Variants in GLS observed in about 807,000 individuals in gnomAD.
GLS encodes the protein glutaminase kidney isoform, mitochondrial.
Under a neutral mutation model 86.7 loss-of-function variants are expected in GLS, and 36 were observed. The ratio of observed to expected loss-of-function variants is 0.42; its 90% CI spans 0.32 to 0.55. The LOEUF is 0.55. Ranked by LOEUF, GLS falls within the 20% of genes least tolerant of loss-of-function variation. The pLI, the probability that GLS is intolerant of heterozygous loss-of-function variation, is 0.17. For missense variants in GLS, 528 were observed against 833.4 expected, an observed-to-expected ratio of 0.63 and a Z score of 4.51; for synonymous variants, 317 against 305.9, an observed-to-expected ratio of 1.04 and a Z score of -0.38.
At chr2:190,890,014 C>T (rs1688509799) in intron 1 of GLS, among the ~76,000 whole-genome samples, 1 of 152,052 alleles carries the variant, frequency 6.6e-6, no homozygotes, top group African/African-American at 2.4e-5. Flanking sequence ...GTGCTAACCA[C>T]TGAGAGCATG....
At chr2:190,906,360 A>C (rs1488509787) in intron 6 of GLS, among the ~76,000 whole-genome samples, 2 of 152,150 alleles carry the variant, frequency 1.3e-5, no homozygotes, top group African/African-American at 4.8e-5. Context: ...CAAATATAGT[A>C]ATTTGAATGT....
chr2:190,890,761 A>G (rs1003950398), intron 1 of GLS, among the ~76,000 whole-genome samples: 1 of 152,194 alleles, frequency 6.6e-6, no homozygotes, highest in African/African-American at 2.4e-5. Context: ...AGGCATAAAG[A>G]CTAGCAAATC....
In GLS at chr2:190,947,979, A is replaced by T. The variant is rs1420738526; in HGVS notation, c.1651-5586A>T. Among the ~76,000 whole-genome samples the T allele has an allele frequency of 6.6e-6, 1 of 152,218 alleles. No individual in the cohort carries two copies. ...TCCATCTGTTGTCTCAAAAGTGTTA[A>T]ACTAGTTTCATTTTCTTTTGTGGCA... is the stretch of plus-strand genomic sequence containing the variant. On this transcript the variant is annotated intron_variant, in intron 14 of 17. Coordinates refer to ENST00000320717, the MANE Select transcript of GLS (RefSeq NM_014905.5). This position sits in a 1 kb window ranked among gnomAD's most constrained non-coding sequence, Gnocchi z 5.0.
At chr2:190,957,162 C>A (rs545532010) in intron 17 of GLS, among the ~76,000 whole-genome samples, 1 of 152,340 alleles carries the variant, frequency 6.6e-6, no homozygotes, top group South Asian at 2.1e-4. Context: ...AAGACCTCAG[C>A]TCACTGCAAC....
chr2:190,929,297 T>A (rs914881894), intron 12 of GLS, among the ~76,000 whole-genome samples: 2 of 151,902 alleles, frequency 1.3e-5, no homozygotes, highest in African/African-American at 2.4e-5. Context: ...AAAATATTTT[T>A]AAAAAATAAT....
intron 11 of GLS, among the ~76,000 whole-genome samples, chr2:190,925,563 G>T (rs973895130): frequency 6.6e-6 from 1 of 152,176 alleles, no homozygotes; most frequent in African/African-American, 2.4e-5. Flanking sequence ...GGGCTGTAAT[G>T]TGAAGCCACA....
intron 7 of GLS, chr2:190,919,677 G>T: frequency 1.2e-6 from 1 of 860,046 alleles, no homozygotes; most frequent in Non-Finnish European, 1.4e-6. Context: ...CAATGAAGTT[G>T]GTAATTTCTT....
chr2:190,892,504 A>G (rs1688599578), intron 1 of GLS, among the ~76,000 whole-genome samples: 1 of 152,150 alleles, frequency 6.6e-6, no homozygotes, highest in Admixed American at 6.5e-5. Flanking sequence ...TCTCTCAAGG[A>G]TTTCCTAGTT....
chr2:190,903,018 A>G (rs1014790697), intron 5 of GLS, among the ~76,000 whole-genome samples: 1 of 152,174 alleles, frequency 6.6e-6, no homozygotes, highest in Non-Finnish European at 1.5e-5. Flanking sequence ...TTTTCAAGAT[A>G]ATGTTGCAAT....
chr2:190,923,176 A>G (rs1034362380), intron 9 of GLS, among the ~76,000 whole-genome samples: 1 of 152,110 alleles, frequency 6.6e-6, no homozygotes, highest in African/African-American at 2.4e-5. Flanking sequence ...CTGATGTCAG[A>G]GTTATCTTTC....
In GLS at chr2:190,924,951, T is replaced by C. The variant is rs759125978; in HGVS notation, c.1248+358T>C. 2.0e-5 allele frequency among the ~76,000 whole-genome samples: 3 copies of C among 152,198 alleles called. No homozygotes were observed. Among genetic ancestry groups the C allele is most frequent in the Non-Finnish European group, 2.9e-5 (2 of 68,024 alleles). On this transcript the variant is annotated intron_variant, in intron 11 of 17. Coordinates refer to ENST00000320717, the MANE Select transcript of GLS (RefSeq NM_014905.5). The surrounding 1 kb of genome is among the most constrained non-coding windows in gnomAD (Gnocchi z 5.2). The stretch of plus-strand genomic sequence containing the variant: ...TGGATGTGTCACATTATGCAAAATA[T>C]AGATGTCTCAGAAATCTTGGTTCTA...
chr2:190,935,079 T>C lies in GLS; in HGVS notation c.1650+3442T>C. 1.1e-6 allele frequency: 1 copy of C among 947,016 alleles called. No homozygotes were observed. Among genetic ancestry groups the C allele is most frequent in the Non-Finnish European group, 1.3e-6 (1 of 795,322 alleles). The allele number at this position is 947,016 out of a possible 1,614,324, so 58.7% of individuals were successfully genotyped here. On this transcript the variant is annotated intron_variant, in intron 14 of 17. Coordinates refer to ENST00000320717, the MANE Select transcript of GLS (RefSeq NM_014905.5). This position sits in a 1 kb window ranked among gnomAD's most constrained non-coding sequence, Gnocchi z 4.2. ...AGCATATTTGATTTTCTTTTTTCTTTCTTTTTTTGGCATCATTAACATTTC... is the reference window on the plus strand; with the variant it reads ...AGCATATTTGATTTTCTTTTTTCTTCCTTTTTTTGGCATCATTAACATTTC...
intron 17 of GLS, among the ~76,000 whole-genome samples, chr2:190,960,765 A>T (rs1280430818): frequency 6.6e-6 from 1 of 152,188 alleles, no homozygotes; most frequent in African/African-American, 2.4e-5. Flanking sequence ...GTGTCTGACA[A>T]ATGTTAGCAA....
rs1393007849 is a variant in GLS at position 190,947,379 on chromosome 2, A to C, written c.1651-6186A>C. On this transcript the variant is annotated intron_variant, in intron 14 of 17. Transcript: ENST00000320717. The surrounding 1 kb of genome is among the most constrained non-coding windows in gnomAD (Gnocchi z 5.0). ...CCCACTGTTGTCATGACTTTGTACAAATAAACTAAGATAAGATTGTCTGGT... is the reference window on the plus strand; with the variant it reads ...CCCACTGTTGTCATGACTTTGTACACATAAACTAAGATAAGATTGTCTGGT... Among the ~76,000 whole-genome samples, 1 of 152,216 alleles carries C rather than the reference A, an allele frequency of 6.6e-6. No individual in the cohort carries two copies. Among genetic ancestry groups the C allele is most frequent in the East Asian group, 1.9e-4 (1 of 5,198 alleles).
chr2:190,883,527 CAA>C (rs1365345150), intron 1 of GLS, among the ~76,000 whole-genome samples: 6 of 152,132 alleles, frequency 3.9e-5, no homozygotes, highest in African/African-American at 1.2e-4. Context: ...AGGCTTAGAA[CAA>C]TATTTGGCGT....
Position 190,897,895 on chromosome 2 carries a change from T to C in GLS, c.605+2170T>C, listed in dbSNP as rs985328195. Among the ~76,000 whole-genome samples the C allele has an allele frequency of 6.6e-5, 10 of 152,198 alleles. No individual in the cohort carries two copies. Among genetic ancestry groups the C allele is most frequent in the African/African-American group, 2.4e-4 (10 of 41,462 alleles). Reference sequence around the variant, plus strand: ...TTTTTCGGTAATCTGAGAAAACTATTATGTGTGACTTTTTTTAACTTGGGA... The same window carrying C: ...TTTTTCGGTAATCTGAGAAAACTATCATGTGTGACTTTTTTTAACTTGGGA... On this transcript the variant is annotated intron_variant, in intron 3 of 17. Transcript: ENST00000320717. This position sits in a 1 kb window ranked among gnomAD's most constrained non-coding sequence, Gnocchi z 4.3.
At position 190,900,558 on chromosome 2, in the gene GLS, C is replaced by G; in HGVS notation, c.606-6C>G. ...AGTTTATTAATTATCTTTTTACATT[C>G]TACAGATGTGTTCAGAGCAACATTG... On this transcript the variant is annotated splice_region_variant and splice_polypyrimidine_tract_variant and intron_variant, in intron 3 of 17. Coordinates refer to ENST00000320717, the MANE Select transcript of GLS (RefSeq NM_014905.5). 6.4e-7 allele frequency: 1 copy of G among 1,564,790 alleles called. No homozygotes were observed. The highest frequency in any genetic ancestry group is 8.7e-7 in the Non-Finnish European group (1 of 1,143,956).
chr2:190,961,082 T>A (rs942122557), intron 17 of GLS, among the ~76,000 whole-genome samples: 8 of 152,246 alleles, frequency 5.3e-5, no homozygotes, highest in African/African-American at 1.9e-4. Flanking sequence ...TGAAAGTAGA[T>A]GTACCCACCT....
At chr2:190,881,562 C>T (rs1688183942) in intron 1 of GLS, 92 bp downstream of exon 1, 5 of 1,209,948 alleles carry the variant, frequency 4.1e-6, no homozygotes, top group East Asian at 3.0e-5. Context: ...GGATAGGAGC[C>T]GAGGGTCTAG....
Sources: allele counts gnomAD v4.1 joint callset (sites outside exome capture counted in the v4.1 genomes callset), GRCh38; gene constraint gnomAD v4.1.1; non-coding constraint Gnocchi (gnomAD v3.1); transcripts MANE v1.5; gene names NCBI Gene and HGNC (gene_info 2026-07-23, HGNC 2026-07-21).